PTPRC: variants seen among roughly 807,000 people sequenced by gnomAD.
PTPRC encodes receptor-type tyrosine-protein phosphatase C.
In PTPRC, 44 loss-of-function variants were observed where a neutral mutation model predicts 155.9. The observed-to-expected ratio is 0.28, with a 90% CI of 0.22 to 0.36. PTPRC has a LOEUF of 0.36. PTPRC is among the 10% of genes least tolerant of loss of function. PTPRC has a pLI of 1.00. For missense variants in PTPRC, 1,401 were observed against 1,564.6 expected (o/e 0.90, Z 1.76); for synonymous variants, 525 against 533.1 (o/e 0.98, Z 0.21).
chr1:198,691,942 A>G (rs1022754892), intron 2 of PTPRC, among the ~76,000 whole-genome samples: 2 of 152,126 alleles, frequency 1.3e-5, no homozygotes, highest in Admixed American at 1.3e-4. Flanking sequence ...TATGTTGGTC[A>G]TATTATATCC....
In PTPRC at chr1:198,718,737, A is replaced by G. The variant is rs566203616; in HGVS notation, c.1659+435A>G. ...CACTAGACAATACTAGTGAGCATAC[A>G]GAATTTAAAACACTCATTATCTCAC... On this transcript the variant is annotated intron_variant, in intron 14 of 32. Transcript: ENST00000442510. Among the ~76,000 whole-genome samples the G allele has an allele frequency of 3.3e-5, 5 of 152,302 alleles. No individual in the cohort carries two copies. The South Asian group carries it at 6.2e-4, about 19-fold the overall frequency.
At chr1:198,728,562 C>A in intron 16 of PTPRC, 114 bp downstream of exon 16, 1 of 1,263,910 alleles carries the variant, frequency 7.9e-7, no homozygotes, top group Non-Finnish European at 1.1e-6. Flanking sequence ...AGAGAGAAGA[C>A]AGCATACAGC....
intron 2 of PTPRC, among the ~76,000 whole-genome samples, chr1:198,677,568 A>C (rs1041113678): frequency 6.6e-6 from 1 of 151,822 alleles, no homozygotes; most frequent in African/African-American, 2.4e-5. Flanking sequence ...TTCCATGATT[A>C]CCCTAAGAAT....
intron 26 of PTPRC, among the ~76,000 whole-genome samples, chr1:198,745,654 T>C (rs1423691350): frequency 6.6e-6 from 1 of 151,818 alleles, no homozygotes; most frequent in Non-Finnish European, 1.5e-5. Flanking sequence ...GTTGGTTGTA[T>C]TGTTTTCTAT....
chr1:198,754,467 C>T lies in PTPRC; in HGVS notation c.3645+63C>T. 1.3e-6 allele frequency: 2 copies of T among 1,575,998 alleles called. 1 individual carries two copies. Among genetic ancestry groups the T allele is most frequent in the Non-Finnish European group, 1.7e-6 (2 of 1,150,216 alleles). ...ATTTTTTTTTTCTTTTTGACGGTTT[C>T]CTTTTTTCTTTTCTCCTCTCCTTTC... On this transcript the variant is annotated intron_variant, in intron 32 of 32. Coordinates refer to ENST00000442510, the MANE Select transcript of PTPRC (RefSeq NM_002838.5).
chr1:198,734,374 A>G lies in PTPRC; in HGVS notation c.2226A>G (p.Glu742=), dbSNP rs371773218. ...ATGATTTCTGGAGGATGATTTGGGA[A>G]CAGAAAGCCACAGTTATTGTCATGG... ...TVDDFWRMIW[E]QKATVIVMVT... Residue 742 remains glutamate (E), a synonymous_variant, in exon 22 of 33, where the codon GAA becomes GAG. Coordinates refer to ENST00000442510, the MANE Select transcript of PTPRC (RefSeq NM_002838.5). 6.2e-7 allele frequency: 1 copy of G among 1,611,252 alleles called. No homozygotes were observed. The highest frequency in any genetic ancestry group is 8.5e-7 in the Non-Finnish European group (1 of 1,177,952).
intron 11 of PTPRC, among the ~76,000 whole-genome samples, chr1:198,711,334 T>C (rs770083431): frequency 6.6e-6 from 1 of 152,094 alleles, no homozygotes; most frequent in Non-Finnish European, 1.5e-5. Flanking sequence ...TGCAACAAAA[T>C]AGAAATCCCA....
At chr1:198,682,425 T>C (rs1350190137) in intron 2 of PTPRC, among the ~76,000 whole-genome samples, 1 of 152,126 alleles carries the variant, frequency 6.6e-6, no homozygotes, top group Non-Finnish European at 1.5e-5. Context: ...TCTGCTTTTT[T>C]TTATTATATT....
chr1:198,676,464 T>C (rs571063773), intron 2 of PTPRC, among the ~76,000 whole-genome samples: 6 of 152,308 alleles, frequency 3.9e-5, no homozygotes, highest in African/African-American at 1.4e-4. Flanking sequence ...TCTGGATGAA[T>C]GCCAAGAAAA....
At chr1:198,697,503 G>A (rs1002394041) in intron 4 of PTPRC, among the ~76,000 whole-genome samples, 2 of 152,074 alleles carry the variant, frequency 1.3e-5, no homozygotes, top group Admixed American at 1.3e-4. Flanking sequence ...CATGTTCCCG[G>A]GAAAAATCAG....
intron 2 of PTPRC, among the ~76,000 whole-genome samples, chr1:198,670,610 A>C (rs1337337432): frequency 6.6e-6 from 1 of 152,168 alleles, no homozygotes; most frequent in East Asian, 1.9e-4. Context: ...TTTTGAGAGA[A>C]GTTGGAATGG....
chr1:198,716,504 T>C (rs1191142875), intron 12 of PTPRC, among the ~76,000 whole-genome samples, 178 bp from the exon 13 acceptor site: 1 of 152,242 alleles, frequency 6.6e-6, no homozygotes, highest in Non-Finnish European at 1.5e-5. Context: ...ATTGAGTTTG[T>C]TCAATACACT....
At position 198,728,467 on chromosome 1, in the gene PTPRC, T is replaced by A. The variant is rs10919562; in HGVS notation, c.1829+19T>A. Reference sequence around the variant, plus strand: ...GATCCTGGTAAGAGTTGATTTTAAATTTTTAAATAATAATGGTATTAGTAA... The same window carrying A: ...GATCCTGGTAAGAGTTGATTTTAAAATTTTAAATAATAATGGTATTAGTAA... On this transcript the variant is annotated intron_variant, in intron 16 of 32. Transcript: ENST00000442510. The A allele has an allele frequency of 2.9e-3, 4,598 of 1,609,966 alleles. 104 individuals are homozygous for A. In the African/African-American group the frequency reaches 0.053, roughly 19 times the overall value.
chr1:198,709,267 T>G (rs1653160117), intron 10 of PTPRC, among the ~76,000 whole-genome samples: 1 of 152,110 alleles, frequency 6.6e-6, no homozygotes, highest in African/African-American at 2.4e-5. Context: ...AAGTGACTGG[T>G]CATAGTCAAA....
chr1:198,709,944 G>A, intron 11 of PTPRC, 120 bp downstream of exon 11: 1 of 1,349,134 alleles, frequency 7.4e-7, no homozygotes, highest in Non-Finnish European at 1.0e-6. Flanking sequence ...TTAAGCATAT[G>A]CTTTTTATTT....
At position 198,679,875 on chromosome 1, in the gene PTPRC, A is replaced by G. The variant is rs2102325744; in HGVS notation, c.74-12472A>G. ...AGGTGTAGAGTTTCCTTGACTCAAG[A>G]TCATCCCATGAAATGCTGGTGGGTC... On this transcript the variant is annotated intron_variant, in intron 2 of 32. Transcript: ENST00000442510. 4.8e-6 allele frequency: 3 copies of G among 622,902 alleles called. 1 individual carries two copies. In the South Asian group the frequency reaches 5.6e-5, roughly 12 times the overall value. The allele number at this position is 622,902 out of a possible 1,614,324, so 38.6% of individuals were successfully genotyped here. A position where few individuals can be genotyped will look rare whatever the true frequency, so the allele number is the denominator to read the frequency against.
intron 2 of PTPRC, among the ~76,000 whole-genome samples, chr1:198,674,432 G>A (rs1664825566): frequency 6.6e-6 from 1 of 151,254 alleles, no homozygotes; most frequent in South Asian, 2.1e-4. Flanking sequence ...TACAATGTCA[G>A]GATGGATAAC....
intron 17 of PTPRC, among the ~76,000 whole-genome samples, chr1:198,730,555 G>A (rs1435030892): frequency 6.6e-6 from 1 of 152,142 alleles, no homozygotes; most frequent in Non-Finnish European, 1.5e-5. Context: ...AGGGAGGAAT[G>A]AAGAGTACAA....
chr1:198,649,879 T>C (rs1663148465), intron 2 of PTPRC, among the ~76,000 whole-genome samples: 1 of 151,856 alleles, frequency 6.6e-6, no homozygotes, highest in Non-Finnish European at 1.5e-5. Flanking sequence ...CAGTTATAGA[T>C]AAATGCTGTG....
Sources: allele counts gnomAD v4.1 joint callset (sites outside exome capture counted in the v4.1 genomes callset), GRCh38; gene constraint gnomAD v4.1.1; transcripts MANE v1.5; gene names NCBI Gene and HGNC (gene_info 2026-07-23, HGNC 2026-07-21).